Variants in DBNDD1 observed in about 807,000 individuals in gnomAD.
DBNDD1 encodes the protein dysbindin domain containing 1, also known as dysbindin domain-containing protein 1.
A neutral mutation model predicts 17.0 loss-of-function variants in DBNDD1; 14 were observed. The observed-to-expected ratio is 0.82, with a 90% CI of 0.54 to 1.29. DBNDD1 has a LOEUF of 1.29. Among genes scored for constraint, DBNDD1 ranks in the 50% most tolerant of loss-of-function variants. The probability of loss-of-function intolerance (pLI) is 0.00; values close to 1 mark genes in which losing one functional copy is unlikely to be tolerated. For synonymous variants in DBNDD1, 105 were observed against 102.0 expected (o/e 1.03, Z -0.18); for missense variants, 221 against 216.2 (o/e 1.02, Z -0.14).
At chr16:90,011,773 C>T (rs1245323791) in intron 1 of DBNDD1, 2 of 418,884 alleles carry the variant, frequency 4.8e-6, no homozygotes, top group Non-Finnish European at 9.7e-6. Context: ...AGCAGGGATA[C>T]CTCTCCGCCC....
At position 90,006,471 on chromosome 16, in the gene DBNDD1, G is replaced by T; in HGVS notation, c.341C>A (p.Ala114Asp). Residue 114 changes from alanine (A) to aspartate (D), a missense_variant, in exon 4 of 4, where the codon GCC (alanine) becomes GAC (aspartate). Physicochemically the swap from Ala to Asp is moderately radical, Grantham distance 126 (BLOSUM62 -2). Coordinates refer to ENST00000002501, the MANE Select transcript of DBNDD1 (RefSeq NM_001042610.3). ...CCAGGAAGGGGAGCGCAGGTAGCCGGCCCGGGGCAGCGGGTGCAGACCTAG... is the reference window on the plus strand; with the variant it reads ...CCAGGAAGGGGAGCGCAGGTAGCCGTCCCGGGGCAGCGGGTGCAGACCTAG... ...SPAGLHPLPR[A>D]GYLRSPSWTR... The T allele has an allele frequency of 6.3e-7, 1 of 1,599,080 alleles. No individual in the cohort carries two copies. Among genetic ancestry groups the T allele is most frequent in the Admixed American group, 1.7e-5 (1 of 59,984 alleles).
chr16:90,015,536 C>G (rs545383124), intron 1 of DBNDD1, among the ~76,000 whole-genome samples: 5 of 152,172 alleles, frequency 3.3e-5, no homozygotes, highest in East Asian at 3.8e-4. Context: ...TAACACTTAA[C>G]GTTGTTCAAG....
intron 1 of DBNDD1, among the ~76,000 whole-genome samples, chr16:90,015,921 G>C (rs1037915823): frequency 6.6e-6 from 1 of 152,202 alleles, no homozygotes; most frequent in Non-Finnish European, 1.5e-5. Flanking sequence ...AAATTAGATA[G>C]TGGTGGTGAC....
intron 1 of DBNDD1, chr16:90,011,781 C>T (rs1411307711): frequency 4.9e-6 from 2 of 412,300 alleles, no homozygotes; most frequent in Non-Finnish European, 4.9e-6. Context: ...TACCTCTCCG[C>T]CCAGAGGGCA....
Position 90,006,243 on chromosome 16 carries a change from C to A in DBNDD1, c.*92G>T, listed in dbSNP as rs1030585547. On this transcript the variant is annotated 3_prime_UTR_variant, in exon 4 of 4. Coordinates refer to ENST00000002501, the MANE Select transcript of DBNDD1 (RefSeq NM_001042610.3). ...GAGGTGACGGCTGGAGCCTCGTGGG[C>A]GGGTGAAGTGTGTCTGCTGGGTCAG... 14 of 1,459,006 alleles carry A rather than the reference C, an allele frequency of 9.6e-6. No individual in the cohort carries two copies. Among genetic ancestry groups the A allele is most frequent in the Non-Finnish European group, 9.2e-6 (10 of 1,092,450 alleles). The allele number at this position is 1,459,006 out of a possible 1,614,324, so 90.4% of individuals were successfully genotyped here. A position where few individuals can be genotyped will look rare whatever the true frequency, so the allele number is the denominator to read the frequency against.
chr16:90,010,897 G>A (rs186422208), intron 1 of DBNDD1, among the ~76,000 whole-genome samples: 1 of 152,202 alleles, frequency 6.6e-6, no homozygotes, highest in African/African-American at 2.4e-5. Context: ...GGCCCTGTGG[G>A]TCTATCTCTC....
intron 3 of DBNDD1, 128 bp from the exon 4 acceptor site, chr16:90,006,620 A>T: frequency 8.2e-7 from 1 of 1,220,178 alleles, no homozygotes; most frequent in Non-Finnish European, 1.1e-6. Flanking sequence ...TGCACCAGGC[A>T]TGCACACATC....
chr16:90,007,938 C>T (rs1422631432), intron 3 of DBNDD1, among the ~76,000 whole-genome samples: 1 of 144,194 alleles, frequency 6.9e-6, no homozygotes, highest in East Asian at 2.3e-4. Flanking sequence ...CCCCCAAACA[C>T]ACCTCCCAGG....
At position 90,006,448 on chromosome 16, in the gene DBNDD1, A is replaced by G. The variant is rs1210675960; in HGVS notation, c.364T>C (p.Trp122Arg). 1 of 1,601,342 alleles carries G rather than the reference A, an allele frequency of 6.2e-7. No homozygotes were observed. The highest frequency in any genetic ancestry group is 2.2e-5 in the East Asian group (1 of 44,858). Reference protein sequence around the residue: ...PRAGYLRSPSWTRTRAEQSHE... With the variant: ...PRAGYLRSPSRTRTRAEQSHE... ...CTCTGCTCAGCCCTTGTCCTCGTCC[A>G]GGAAGGGGAGCGCAGGTAGCCGGCC... Residue 122 changes from tryptophan to arginine, a missense_variant, in exon 4 of 4, where the codon TGG (tryptophan) becomes CGG (arginine). Coordinates refer to ENST00000002501, the MANE Select transcript of DBNDD1 (RefSeq NM_001042610.3).
At chr16:90,015,683 C>T (rs545531252) in intron 1 of DBNDD1, among the ~76,000 whole-genome samples, 128 of 152,278 alleles carry the variant, frequency 8.4e-4, no homozygotes, top group South Asian at 2.7e-3. Context: ...CCAAGAAGGA[C>T]GGCGGTACTG....
In DBNDD1 at chr16:90,009,419, C is replaced by T. The variant is rs201800670; in HGVS notation, c.43G>A (p.Glu15Lys). The change falls in exon 2 of 4, where the codon GAG (glutamate) becomes AAG (lysine). Residue 15 changes from glutamate (E) to lysine (K), a missense_variant. By Grantham distance (56) the Glu-to-Lys change is moderately conservative. Transcript: ENST00000002501. ...AGCGCAGCCTGCGGCACCTCAGCCT[C>T]CTTAACGATCTCTGCATCCAAAGAC... ...EGAGTGEIVK[E>K]AEVPQAALGV... 983 of 1,611,654 alleles carry T rather than the reference C, an allele frequency of 6.1e-4. 2 individuals are homozygous for T. The highest frequency in any genetic ancestry group is 3.6e-3 in the Middle Eastern group (22 of 6,062).
At chr16:90,009,077 T>A (rs575494455) in intron 2 of DBNDD1, 153 bp from the exon 3 acceptor site, 2 of 1,217,222 alleles carry the variant, frequency 1.6e-6, no homozygotes, top group Admixed American at 2.8e-5. Flanking sequence ...ATCTGATGAG[T>A]GTTGCGTATA....
chr16:90,006,180 CG>C lies in DBNDD1; in HGVS notation c.*154del. 9.1e-7 allele frequency: 1 copy of C among 1,100,566 alleles called. No individual in the cohort carries two copies. Among genetic ancestry groups the C allele is most frequent in the Non-Finnish European group, 1.3e-6 (1 of 792,180 alleles). The allele number at this position is 1,100,566 out of a possible 1,614,324, so 68.2% of individuals were successfully genotyped here. A position where few individuals can be genotyped will look rare whatever the true frequency, so the allele number is the denominator to read the frequency against. On this transcript the variant is annotated 3_prime_UTR_variant, in exon 4 of 4. Coordinates refer to ENST00000002501, the MANE Select transcript of DBNDD1 (RefSeq NM_001042610.3). ...CGTGCCCAGCAGACAAGGCCGGTCT[CG>C]GGGCTGGCAGAGAGCTGCCCCCAGG...
chr16:90,012,106 C>T (rs542325916), intron 1 of DBNDD1, among the ~76,000 whole-genome samples: 5 of 152,340 alleles, frequency 3.3e-5, no homozygotes, highest in South Asian at 4.1e-4. Context: ...GTCCTAGCCT[C>T]GAGTCTCAGG....
At chr16:90,014,899 G>A (rs1269944222) in intron 1 of DBNDD1, among the ~76,000 whole-genome samples, 1 of 151,974 alleles carries the variant, frequency 6.6e-6, no homozygotes, top group Non-Finnish European at 1.5e-5. Context: ...CAGCTACTCA[G>A]GAGGCTGAGG....
chr16:90,009,614 T>A, intron 1 of DBNDD1, 184 bp from the exon 2 acceptor site: 1 of 847,542 alleles, frequency 1.2e-6, no homozygotes, highest in Non-Finnish European at 1.8e-6. Context: ...TTGAGGGGCT[T>A]CAAGGAGGCT....
At chr16:90,017,012 C>T (rs1193280380) in intron 1 of DBNDD1, among the ~76,000 whole-genome samples, 3 of 152,112 alleles carry the variant, frequency 2.0e-5, no homozygotes, top group African/African-American at 7.2e-5. Context: ...CCTGAGGATC[C>T]CTCTGTCCCT....
Position 90,006,051 on chromosome 16 carries a change from A to C in DBNDD1, c.*284T>G. ...GACTCGGGGCCCAGGAACGAGCTGGACGTAAGGCCACTGGGCTGTGCTTGT... is the reference window on the plus strand; with the variant it reads ...GACTCGGGGCCCAGGAACGAGCTGGCCGTAAGGCCACTGGGCTGTGCTTGT... On this transcript the variant is annotated 3_prime_UTR_variant, in exon 4 of 4. Transcript: ENST00000002501. 2.7e-6 allele frequency: 1 copy of C among 366,914 alleles called. No homozygotes were observed. Among genetic ancestry groups the C allele is most frequent in the Non-Finnish European group, 5.2e-6 (1 of 193,462 alleles). 22.7% of individuals were successfully genotyped at this position (366,914 alleles called of 1,614,324 possible). A position where few individuals can be genotyped will look rare whatever the true frequency, so the allele number is the denominator to read the frequency against.
intron 1 of DBNDD1, among the ~76,000 whole-genome samples, chr16:90,013,262 T>TAAAAAAAAAAAAAAAAAAAC (rs2035586975): frequency 2.0e-5 from 1 of 49,182 alleles, no homozygotes; most frequent in South Asian, 1.0e-3. Context: ...AACCTTGCCT[T>TAAAAAAAAAAAAAAAAAAAC]AAAAAAAAAA....
Sources: gnomAD v4.1 joint callset for allele counts (sites outside exome capture counted in the v4.1 genomes callset) on GRCh38, gnomAD v4.1.1 for gene constraint, MANE v1.5 for transcripts, NCBI Gene and HGNC (gene_info 2026-07-23, HGNC 2026-07-21) for gene names.